NXPH1: variants seen among roughly 807,000 people sequenced by gnomAD.
The protein encoded by NXPH1 is neurexophilin 1.
In NXPH1, 5 loss-of-function variants were observed where a neutral mutation model predicts 23.7. That is an observed-to-expected ratio of 0.21 (90% CI 0.11 to 0.44). The LOEUF (loss-of-function observed/expected upper bound fraction) is 0.44, where lower values mean the gene tolerates loss of function less well. Among genes scored for constraint, NXPH1 ranks in the 20% least tolerant of loss-of-function variants. The pLI, the probability that NXPH1 is intolerant of heterozygous loss-of-function variation, is 0.99. For missense variants in NXPH1, 324 were observed against 321.6 expected, an observed-to-expected ratio of 1.01 and a Z score of -0.06; for synonymous variants, 144 against 122.2, an observed-to-expected ratio of 1.18 and a Z score of -1.18.
intron 2 of NXPH1, among the ~76,000 whole-genome samples, chr7:8,598,847 C>G (rs556405702): frequency 3.3e-5 from 5 of 152,068 alleles, no homozygotes; most frequent in Non-Finnish European, 7.4e-5. Context: ...TTTTCTGAAG[C>G]CAGCCTAATT....
In NXPH1 at chr7:8,498,823, C is replaced by T. The variant is rs557834467; in HGVS notation, c.54+63056C>T. On this transcript the variant is annotated intron_variant, in intron 2 of 2. Transcript: ENST00000405863. ...CTTAGTAAGAGGGATAAGATTTAGA[C>T]CTAGGAAAGGGAAATGTGATGTCAG... Among the ~76,000 whole-genome samples the T allele has an allele frequency of 3.3e-5, 5 of 152,038 alleles. No homozygotes were observed. In the South Asian group the frequency reaches 1.0e-3, roughly 32 times the overall value.
intron 2 of NXPH1, among the ~76,000 whole-genome samples, chr7:8,615,079 C>T (rs149149700): frequency 6.6e-6 from 1 of 152,104 alleles, no homozygotes; most frequent in East Asian, 1.9e-4. Flanking sequence ...TGCCTCATTA[C>T]AATTTCAAAT....
rs906786301 is a variant in NXPH1 at position 8,725,514 on chromosome 7, G to C, written c.55-25494G>C. Among the ~76,000 whole-genome samples, 15 of 150,396 alleles carry C rather than the reference G, an allele frequency of 1.0e-4. No individual in the cohort carries two copies. In the Middle Eastern group the frequency reaches 0.017, roughly 173 times the overall value. ...CAAAAAAAAAAAAAAAAAATCCATC[G>C]TAGGGCCTGGTACTCTAAGTTGGAT... On this transcript the variant is annotated intron_variant, in intron 2 of 2. Coordinates refer to ENST00000405863, the MANE Select transcript of NXPH1 (RefSeq NM_152745.3).
intron 2 of NXPH1, among the ~76,000 whole-genome samples, chr7:8,626,606 A>G (rs900948321): frequency 2.6e-5 from 4 of 152,086 alleles, no homozygotes; most frequent in African/African-American, 9.7e-5. Flanking sequence ...CTTTGTGCTA[A>G]TATTACACTG....
chr7:8,611,531 A>C (rs1410115943), intron 2 of NXPH1, among the ~76,000 whole-genome samples: 1 of 152,172 alleles, frequency 6.6e-6, no homozygotes, highest in African/African-American at 2.4e-5. Context: ...ATGAAGTCAA[A>C]GTGGAGGGTT....
At chr7:8,749,280 T>C (rs995076731) in intron 2 of NXPH1, among the ~76,000 whole-genome samples, 1 of 152,224 alleles carries the variant, frequency 6.6e-6, no homozygotes, top group Non-Finnish European at 1.5e-5. Flanking sequence ...AGATATCATA[T>C]TGCCTACATT....
chr7:8,689,503 A>C (rs1392663161), intron 2 of NXPH1, among the ~76,000 whole-genome samples: 1 of 152,142 alleles, frequency 6.6e-6, no homozygotes, highest in Non-Finnish European at 1.5e-5. Context: ...CATAGGCCTG[A>C]AGGGGAGTGA....
At chr7:8,596,101 G>A (rs1045775363) in intron 2 of NXPH1, among the ~76,000 whole-genome samples, 6 of 151,964 alleles carry the variant, frequency 3.9e-5, no homozygotes, top group Admixed American at 1.3e-4. Context: ...TTTTCCTGGG[G>A]ATTTTGCATT....
At chr7:8,714,748 G>A (rs534960973) in intron 2 of NXPH1, among the ~76,000 whole-genome samples, 1 of 152,194 alleles carries the variant, frequency 6.6e-6, no homozygotes, top group East Asian at 2.0e-4. Context: ...GGTAGCAAGG[G>A]CCTGGAATTG....
At chr7:8,596,130 T>G (rs1437200775) in intron 2 of NXPH1, among the ~76,000 whole-genome samples, 1 of 152,086 alleles carries the variant, frequency 6.6e-6, no homozygotes, top group Non-Finnish European at 1.5e-5. Flanking sequence ...TTTATACTTA[T>G]AAAATTAGTT....
chr7:8,453,043 A>G (rs1816533776), intron 2 of NXPH1, among the ~76,000 whole-genome samples: 1 of 152,140 alleles, frequency 6.6e-6, no homozygotes, highest in African/African-American at 2.4e-5. Context: ...TAATAATGAT[A>G]ACATACCAGA....
intron 2 of NXPH1, among the ~76,000 whole-genome samples, chr7:8,540,754 G>A (rs1037391054): frequency 3.3e-5 from 5 of 151,696 alleles, no homozygotes; most frequent in Non-Finnish European, 5.9e-5. Context: ...GGGTAACAGT[G>A]GCTAACACTC....
intron 2 of NXPH1, among the ~76,000 whole-genome samples, chr7:8,667,461 G>GTT (rs71017614): frequency 0.03 from 4,430 of 145,552 alleles, 320 homozygotes; most frequent in East Asian, 0.24. Context: ...TTGGTTGACA[G>GTT]TTTTTTTTTT....
At chr7:8,470,152 G>A (rs1313987876) in intron 2 of NXPH1, among the ~76,000 whole-genome samples, 1 of 152,146 alleles carries the variant, frequency 6.6e-6, no homozygotes, top group African/African-American at 2.4e-5. Flanking sequence ...AGCATCTAGA[G>A]TTGGCCATGG....
intron 2 of NXPH1, among the ~76,000 whole-genome samples, chr7:8,488,917 C>G (rs530587820): frequency 6.6e-6 from 1 of 152,258 alleles, no homozygotes; most frequent in Non-Finnish European, 1.5e-5. Flanking sequence ...CTTTTAGCAG[C>G]CTACTGAACT....
rs181501867 is a variant in NXPH1, at chr7:8,724,736, C to G, written c.55-26272C>G. On this transcript the variant is annotated intron_variant, in intron 2 of 2. Coordinates refer to ENST00000405863, the MANE Select transcript of NXPH1 (RefSeq NM_152745.3). ...ACCAAGGATATTTTTTCTTTTAACT[C>G]CAGGAGCACCACTCAGTTTTGTGTC... Among the ~76,000 whole-genome samples the G allele has an allele frequency of 7.3e-3, 1,118 of 152,232 alleles. 16 individuals are homozygous for G. Among genetic ancestry groups the G allele is most frequent in the African/African-American group, 0.026 (1,073 of 41,540 alleles).
intron 2 of NXPH1, among the ~76,000 whole-genome samples, chr7:8,622,484 A>G (rs1313324564): frequency 6.6e-6 from 1 of 152,288 alleles, no homozygotes; most frequent in Middle Eastern, 3.4e-3. Context: ...TATGTATTGG[A>G]GTTACATTAG....
chr7:8,447,974 C>G (rs969092165), intron 2 of NXPH1, among the ~76,000 whole-genome samples: 1 of 152,180 alleles, frequency 6.6e-6, no homozygotes, highest in African/African-American at 2.4e-5. Context: ...TTGGCTCCAA[C>G]GAGGACCTGG....
chr7:8,689,047 GC>G (rs1468728424), intron 2 of NXPH1, among the ~76,000 whole-genome samples: 1 of 152,040 alleles, frequency 6.6e-6, no homozygotes, highest in Non-Finnish European at 1.5e-5. Context: ...AAAAATGTTT[GC>G]TGACTGAGTA....
Sources: allele counts gnomAD v4.1 joint callset (sites outside exome capture counted in the v4.1 genomes callset), GRCh38; gene constraint gnomAD v4.1.1; transcripts MANE v1.5; gene names NCBI Gene and HGNC (gene_info 2026-07-23, HGNC 2026-07-21).